Variants in LINGO2 observed in about 807,000 individuals in gnomAD.
LINGO2 encodes leucine rich repeat and Ig domain containing 2, also known as leucine-rich repeat and immunoglobulin-like domain-containing nogo receptor-interacting protein 2.
LINGO2 carries 14 observed loss-of-function variants against 30.6 expected under a neutral mutation model. The observed-to-expected ratio is 0.46, with a 90% CI of 0.30 to 0.72. The LOEUF is 0.72. Among genes scored for constraint, LINGO2 ranks in the 30% least tolerant of loss-of-function variants. LINGO2 has a pLI of 0.07. For missense variants in LINGO2, 729 were observed against 751.7 expected (o/e 0.97, Z 0.35); for synonymous variants, 317 against 288.5 (o/e 1.10, Z -1.00).
the LINGO2 span, among the ~76,000 whole-genome samples, chr9:28,833,053 A>C: frequency 6.6e-6 from 1 of 152,112 alleles, no homozygotes; most frequent in South Asian, 2.1e-4. Context: ...GAAGCATAGA[A>C]TCTTATAGTT....
At chr9:29,081,144 TA>T in the LINGO2 span, among the ~76,000 whole-genome samples, 1 of 152,200 alleles carries the variant, frequency 6.6e-6, no homozygotes, top group Non-Finnish European at 1.5e-5. Context: ...TTTTGACCAA[TA>T]TCCCTGATGA....
chr9:29,016,425 A>G, the LINGO2 span, among the ~76,000 whole-genome samples: 1 of 152,194 alleles, frequency 6.6e-6, no homozygotes, highest in Non-Finnish European at 1.5e-5. Context: ...TACACTGACC[A>G]GGAACACTAA....
At chr9:28,585,533 A>G (rs996204949) in intron 1 of LINGO2, among the ~76,000 whole-genome samples, 3 of 151,896 alleles carry the variant, frequency 2.0e-5, no homozygotes, top group Admixed American at 2.0e-4. Flanking sequence ...TAAATTATAT[A>G]AGATATTCAA....
At chr9:28,595,197 G>A (rs981944171) in intron 1 of LINGO2, among the ~76,000 whole-genome samples, 8 of 152,066 alleles carry the variant, frequency 5.3e-5, no homozygotes, top group African/African-American at 1.9e-4. Flanking sequence ...TATAAAAATA[G>A]CACATAATCA....
chr9:29,125,292 G>A, the LINGO2 span, among the ~76,000 whole-genome samples: 3 of 152,026 alleles, frequency 2.0e-5, no homozygotes, highest in African/African-American at 7.2e-5. Context: ...AGAGCATTAG[G>A]ACAAATACCT....
intron 4 of LINGO2, among the ~76,000 whole-genome samples, chr9:28,188,688 G>GT (rs1484509710): frequency 2.0e-5 from 3 of 152,134 alleles, no homozygotes; most frequent in Admixed American, 1.3e-4. Flanking sequence ...AATGTTTGGA[G>GT]TATGGTGACA....
intron 2 of LINGO2, among the ~76,000 whole-genome samples, chr9:28,434,957 C>T (rs1823863926): frequency 6.6e-6 from 1 of 152,084 alleles, no homozygotes; most frequent in Non-Finnish European, 1.5e-5. Context: ...CAGGCTCTCT[C>T]AATCGACTAT....
chr9:27,983,771 G>C (rs1346296393), intron 5 of LINGO2, among the ~76,000 whole-genome samples: 1 of 151,786 alleles, frequency 6.6e-6, no homozygotes, highest in Non-Finnish European at 1.5e-5. Flanking sequence ...CATTCCTTTT[G>C]CAATTCCCAC....
intron 2 of LINGO2, among the ~76,000 whole-genome samples, chr9:28,469,201 A>AC: frequency 6.6e-6 from 1 of 152,150 alleles, no homozygotes; most frequent in South Asian, 2.1e-4. Context: ...GCAACCTTGA[A>AC]CAAGCAAAGA....
At chr9:28,953,248 C>A in the LINGO2 span, among the ~76,000 whole-genome samples, 34 of 152,144 alleles carry the variant, frequency 2.2e-4, no homozygotes, top group South Asian at 5.8e-3. Flanking sequence ...AGGTATTTTT[C>A]TGGGAACTTG....
chr9:28,606,149 A>G (rs1825684803), intron 1 of LINGO2, among the ~76,000 whole-genome samples: 1 of 152,012 alleles, frequency 6.6e-6, no homozygotes, highest in Non-Finnish European at 1.5e-5. Context: ...GGGTCTGAGA[A>G]GATGTTTTGA....
chr9:28,843,337 C>A, the LINGO2 span, among the ~76,000 whole-genome samples: 1 of 151,528 alleles, frequency 6.6e-6, no homozygotes, highest in Non-Finnish European at 1.5e-5. Flanking sequence ...ATTATTCTGA[C>A]CTCATATATG....
the LINGO2 span, among the ~76,000 whole-genome samples, chr9:28,753,957 AT>A: frequency 6.6e-6 from 1 of 151,742 alleles, no homozygotes; most frequent in Non-Finnish European, 1.5e-5. Context: ...TTTTGCATGA[AT>A]TTTGATTTTT....
At chr9:29,112,012 T>A in the LINGO2 span, among the ~76,000 whole-genome samples, 1 of 125,760 alleles carries the variant, frequency 8.0e-6, no homozygotes, top group East Asian at 2.2e-4. Context: ...ACTGTATCCC[T>A]TATACATTGC....
intron 4 of LINGO2, among the ~76,000 whole-genome samples, chr9:28,044,427 G>A (rs1226219561): frequency 6.6e-6 from 1 of 152,108 alleles, no homozygotes; most frequent in Non-Finnish European, 1.5e-5. Context: ...GCTGCCCCAT[G>A]CATCATGGAT....
At chr9:28,805,597 G>C in the LINGO2 span, among the ~76,000 whole-genome samples, 1 of 152,116 alleles carries the variant, frequency 6.6e-6, no homozygotes, top group Admixed American at 6.6e-5. Flanking sequence ...ATTGCTTTAA[G>C]GGCATCATGG....
At chr9:29,170,034 C>A in the LINGO2 span, among the ~76,000 whole-genome samples, 1 of 151,840 alleles carries the variant, frequency 6.6e-6, no homozygotes, top group Non-Finnish European at 1.5e-5. Context: ...CAACAAAAAA[C>A]AGTATGGAGA....
intron 1 of LINGO2, among the ~76,000 whole-genome samples, chr9:28,638,236 G>A (rs974671018): frequency 6.6e-6 from 1 of 152,136 alleles, no homozygotes; most frequent in Non-Finnish European, 1.5e-5. Flanking sequence ...TTTAATTGAG[G>A]ATTTCTGCAT....
the LINGO2 span, among the ~76,000 whole-genome samples, chr9:29,211,602 T>G: frequency 2.6e-5 from 4 of 151,012 alleles, no homozygotes; most frequent in African/African-American, 9.7e-5. Context: ...TCTCCCTCCC[T>G]CCCTCCAAGT....
Sources: allele counts gnomAD v4.1 joint callset (sites outside exome capture counted in the v4.1 genomes callset), GRCh38; gene constraint gnomAD v4.1.1; transcripts MANE v1.5; gene names NCBI Gene and HGNC (gene_info 2026-07-23, HGNC 2026-07-21).